The following NF1 variants were observed in gnomAD, a reference collection of about 807,000 sequenced individuals.
The protein encoded by NF1 is neurofibromin.
Under a neutral mutation model 325.7 loss-of-function variants are expected in NF1, and 122 were observed. The observed-to-expected ratio is 0.37, with a 90% CI of 0.32 to 0.44. The LOEUF (loss-of-function observed/expected upper bound fraction) is 0.44. NF1 is among the 20% of genes least tolerant of loss of function. The pLI, the probability that NF1 is intolerant of heterozygous loss-of-function variation, is 1.00. For missense variants in NF1, 2,140 were observed against 3,415.4 expected (o/e 0.63, Z 9.31); for synonymous variants, 1,091 against 1,186.0 (o/e 0.92, Z 1.65).
intron 1 of NF1, among the ~76,000 whole-genome samples, chr17:31,115,730 T>C (rs1028321834): frequency 6.6e-6 from 1 of 152,152 alleles, no homozygotes; most frequent in Non-Finnish European, 1.5e-5. Flanking sequence ...ATCAAAGTCT[T>C]GTTGAGTAGT....
intron 36 of NF1, among the ~76,000 whole-genome samples, chr17:31,306,285 T>A (rs1380570032): frequency 1.3e-5 from 2 of 152,148 alleles, no homozygotes; most frequent in African/African-American, 4.8e-5. Context: ...TCTGTAAGAT[T>A]TTAGTTCTCA....
intron 8 of NF1, among the ~76,000 whole-genome samples, chr17:31,190,046 G>A (rs2066313592): frequency 6.9e-6 from 1 of 143,908 alleles, no homozygotes; most frequent in South Asian, 2.2e-4. Context: ...ACAGGCATGA[G>A]CCATTGCGCC....
At chr17:31,359,404 A>G (rs1434119024) in intron 56 of NF1, 2 of 213,436 alleles carry the variant, frequency 9.4e-6, no homozygotes, top group Non-Finnish European at 9.5e-6. Context: ...CCAGCCTATT[A>G]GATTAGATTA....
intron 18 of NF1, among the ~76,000 whole-genome samples, 169 bp downstream of exon 18, chr17:31,226,853 A>G (rs2067024399): frequency 6.6e-6 from 1 of 152,238 alleles, no homozygotes; most frequent in African/African-American, 2.4e-5. Flanking sequence ...AGCATTTGAA[A>G]TAAATTGTTA....
intron 36 of NF1, chr17:31,272,424 T>A (rs2067917840): frequency 6.6e-6 from 1 of 152,350 alleles, no homozygotes; most frequent in Non-Finnish European, 1.5e-5. Context: ...TTTGAGGTCA[T>A]TTTGAGATTT....
In NF1 at chr17:31,233,151, G is replaced by T. The variant is rs1567851424; in HGVS notation, c.3646G>T (p.Gly1216Cys). 1.2e-6 allele frequency: 2 copies of T among 1,614,160 alleles called. No homozygotes were observed. Among genetic ancestry groups the T allele is most frequent in the Non-Finnish European group, 1.7e-6 (2 of 1,180,030 alleles). ...ATTGGTGGAACTGGTCACAATGATG[G>T]GTGATCAAGGAGAACTCCCTATAGC... ...ERLVELVTMM[G>C]DQGELPIAMA... is the part of the protein sequence containing the mutation. Residue 1216 changes from glycine (G) to cysteine (C), a missense_variant, in exon 27 of 58, where the codon GGT becomes TGT. Coordinates refer to ENST00000358273, the MANE Select transcript of NF1 (RefSeq NM_001042492.3).
At chr17:31,140,800 A>G (rs1916152198) in intron 1 of NF1, among the ~76,000 whole-genome samples, 2 of 152,226 alleles carry the variant, frequency 1.3e-5, no homozygotes, top group Admixed American at 1.3e-4. Context: ...ATATTCTGTC[A>G]TTTGCCACAA....
chr17:31,121,345 A>G (rs1008495966), intron 1 of NF1, among the ~76,000 whole-genome samples: 13 of 150,718 alleles, frequency 8.6e-5, no homozygotes, highest in African/African-American at 2.9e-4. Flanking sequence ...TCATATATTC[A>G]TTCATTCAAC....
intron 1 of NF1, among the ~76,000 whole-genome samples, chr17:31,129,334 T>C (rs1915154004): frequency 6.6e-6 from 1 of 152,160 alleles, no homozygotes; most frequent in Non-Finnish European, 1.5e-5. Context: ...TTTGTTCCTT[T>C]TCATTCTTTT....
At chr17:31,210,785 A>G (rs1466133179) in intron 12 of NF1, among the ~76,000 whole-genome samples, 2 of 152,226 alleles carry the variant, frequency 1.3e-5, no homozygotes, top group Non-Finnish European at 2.9e-5. Context: ...CTATTAATAC[A>G]ATCTAAGATA....
At position 31,107,789 on chromosome 17, in the gene NF1, T is replaced by TA. The variant is rs538921558; in HGVS notation, c.60+12421dup. Among the ~76,000 whole-genome samples, 3 of 152,158 alleles carry TA rather than the reference T, an allele frequency of 2.0e-5. No homozygotes were observed. In the South Asian group the frequency reaches 6.2e-4, roughly 31 times the overall value. Reference sequence around the variant, plus strand: ...GTCAGTACTCAGGCATACCATTTTTTATCTTTCCTCCCAATGTTGTATGAG... The same window carrying TA: ...GTCAGTACTCAGGCATACCATTTTTTAATCTTTCCTCCCAATGTTGTATGAG... On this transcript the variant is annotated intron_variant, in intron 1 of 57. Transcript: ENST00000358273.
rs1279529138 is a variant in NF1 at position 31,260,516 on chromosome 17, G to T, written c.4577+1G>T. The T allele has an allele frequency of 1.2e-6, 2 of 1,613,758 alleles. No individual in the cohort carries two copies. The highest frequency in any genetic ancestry group is 1.7e-6 in the Non-Finnish European group (2 of 1,179,918). ...TTGGGCAGTATCTTTCCAGCAACAG[G>T]TAAGATTTCCCAGTCATGGGGATAG... On this transcript the variant is annotated splice_donor_variant, in intron 34 of 57. Coordinates refer to ENST00000358273, the MANE Select transcript of NF1 (RefSeq NM_001042492.3). LOFTEE classifies it high-confidence loss of function.
intron 1 of NF1, among the ~76,000 whole-genome samples, chr17:31,141,938 C>T (rs965545784): frequency 6.6e-5 from 10 of 152,094 alleles, no homozygotes; most frequent in Non-Finnish European, 1.5e-4. Flanking sequence ...TGGTTATTTT[C>T]TTTGTTTTTT....
intron 8 of NF1, among the ~76,000 whole-genome samples, chr17:31,198,724 C>T (rs2066476715): frequency 6.6e-6 from 1 of 152,102 alleles, no homozygotes; most frequent in Non-Finnish European, 1.5e-5. Flanking sequence ...AAGTGATTCT[C>T]CTGCTTCAGC....
intron 1 of NF1, among the ~76,000 whole-genome samples, chr17:31,106,515 C>A (rs1912878815): frequency 6.6e-6 from 1 of 152,076 alleles, no homozygotes; most frequent in African/African-American, 2.4e-5. Context: ...CACTATCTTT[C>A]CAATAAATAG....
chr17:31,369,512 G>A (rs2070592602), intron 57 of NF1, among the ~76,000 whole-genome samples: 1 of 152,274 alleles, frequency 6.6e-6, no homozygotes, highest in East Asian at 1.9e-4. Context: ...GGCAAATCAG[G>A]ACCACAGAAG....
At chr17:31,372,322 G>A (rs902337288) in intron 57 of NF1, among the ~76,000 whole-genome samples, 1 of 152,062 alleles carries the variant, frequency 6.6e-6, no homozygotes, top group Admixed American at 6.5e-5. Context: ...TTTTGTATCA[G>A]TAAATATCAA....
At chr17:31,329,568 T>G (rs1189718437) in intron 38 of NF1, among the ~76,000 whole-genome samples, 1 of 152,166 alleles carries the variant, frequency 6.6e-6, no homozygotes, top group Non-Finnish European at 1.5e-5. Context: ...TTAAATTGAG[T>G]CTGAGTCTTT....
intron 57 of NF1, among the ~76,000 whole-genome samples, chr17:31,364,513 C>G (rs2070471839): frequency 1.3e-5 from 2 of 152,330 alleles, no homozygotes; most frequent in African/African-American, 4.8e-5. Context: ...ACCTCTCCTC[C>G]TCCCCCTCCT....
Sources: gnomAD v4.1 joint callset for allele counts (sites outside exome capture counted in the v4.1 genomes callset) on GRCh38, gnomAD v4.1.1 for gene constraint, MANE v1.5 for transcripts, NCBI Gene and HGNC (gene_info 2026-07-23, HGNC 2026-07-21) for gene names.